The following COL24A1 variants were observed in gnomAD, a reference collection of about 807,000 sequenced individuals.
COL24A1 encodes collagen alpha-1(XXIV) chain.
COL24A1 carries 224 observed loss-of-function variants against 253.9 expected under a neutral mutation model. The observed-to-expected ratio is 0.88, with a 90% confidence interval of 0.79 to 0.99. The LOEUF is 0.99. COL24A1 is among the 50% of genes least tolerant of loss of function. The pLI is 0.00. For missense variants in COL24A1, 2,131 were observed against 2,068.5 expected (o/e 1.03, Z -0.59); for synonymous variants, 685 against 673.7 (o/e 1.02, Z -0.26).
chr1:85,733,228 T>C (rs1663693360), intron 59 of COL24A1, among the ~76,000 whole-genome samples: 1 of 152,156 alleles, frequency 6.6e-6, no homozygotes, highest in Admixed American at 6.5e-5. Context: ...GGTTTCATAG[T>C]ACACAAAGAT....
Position 85,854,861 on chromosome 1 carries a change from G to T in COL24A1, c.3301-5455C>A, listed in dbSNP as rs551693707. On this transcript the variant is annotated intron_variant, in intron 37 of 59. Transcript: ENST00000370571. ...TGGGACTACAGGTGTGCACCACCAC[G>T]CTCAGCTAATTTTTGTATTTTTAGT... Among the ~76,000 whole-genome samples, 12 of 152,086 alleles carry T rather than the reference G, an allele frequency of 7.9e-5. No homozygotes were observed. In the East Asian group the frequency reaches 2.3e-3, roughly 29 times the overall value.
chr1:85,781,449 A>G (rs1669137572), intron 51 of COL24A1, among the ~76,000 whole-genome samples, 176 bp from the exon 52 acceptor site: 1 of 152,182 alleles, frequency 6.6e-6, no homozygotes, highest in South Asian at 2.1e-4. Flanking sequence ...ATGTGACACA[A>G]TTCTGCATAT....
rs767927459 is a variant in COL24A1, at chr1:86,089,204, T to G, written c.1677A>C (p.Leu559Phe). The change falls in exon 7 of 60, where the codon TTA becomes TTC. Residue 559 changes from leucine to phenylalanine, a missense_variant. Coordinates refer to ENST00000370571, the MANE Select transcript of COL24A1 (RefSeq NM_152890.7). ...GEKGDQGLSGLMGPPGMQGDK... is the reference protein window; with the variant it reads ...GEKGDQGLSGFMGPPGMQGDK... Reference sequence around the variant, plus strand: ...CACCTTGCATACCAGGGGGGCCCATTAATCCAGAAAGGCCTTGATCACCCT... The same window carrying G: ...CACCTTGCATACCAGGGGGGCCCATGAATCCAGAAAGGCCTTGATCACCCT... 1 of 1,587,230 alleles carries G rather than the reference T, an allele frequency of 6.3e-7. No homozygotes were observed. The highest frequency in any genetic ancestry group is 1.2e-5 in the South Asian group (1 of 85,074).
intron 2 of COL24A1, among the ~76,000 whole-genome samples, chr1:86,129,090 T>C (rs1409122672): frequency 2.6e-5 from 4 of 151,896 alleles, no homozygotes; most frequent in Non-Finnish European, 5.9e-5. Context: ...TCATTGATAG[T>C]GCTTCATTCA....
chr1:85,910,048 A>G, intron 25 of COL24A1, 45 bp from the exon 26 acceptor site: 1 of 1,495,646 alleles, frequency 6.7e-7, no homozygotes. Context: ...AGGCATATTA[A>G]TTAGTCATGA....
intron 31 of COL24A1, 106 bp downstream of exon 31, chr1:85,895,752 A>T: frequency 1.2e-6 from 1 of 862,724 alleles, no homozygotes; most frequent in East Asian, 2.6e-5. Flanking sequence ...GCAAATATAT[A>T]TAATTTTTAT....
intron 42 of COL24A1, among the ~76,000 whole-genome samples, chr1:85,838,843 A>G (rs969934002): frequency 6.6e-6 from 1 of 152,240 alleles, no homozygotes; most frequent in Non-Finnish European, 1.5e-5. Context: ...AGTGAATTAT[A>G]TAAAGAGAAT....
At chr1:86,004,514 GA>G (rs1695745246) in intron 19 of COL24A1, among the ~76,000 whole-genome samples, 1 of 152,174 alleles carries the variant, frequency 6.6e-6, no homozygotes, top group Non-Finnish European at 1.5e-5. Flanking sequence ...CCAGTTAAAA[GA>G]AAATAATGTG....
In COL24A1 at chr1:86,063,383, T is replaced by TGTGTGTG. The variant is rs1376429091; in HGVS notation, c.1752+331_1752+332insCACACAC. Among the ~76,000 whole-genome samples, 970 of 144,446 alleles carry TGTGTGTG rather than the reference T, an allele frequency of 6.7e-3. 8 individuals are homozygous for TGTGTGTG. Among genetic ancestry groups the TGTGTGTG allele is most frequent in the African/African-American group, 0.015 (613 of 39,558 alleles). The allele number at this position is 144,446 out of a possible 152,430, so 94.8% of individuals were successfully genotyped here. On this transcript the variant is annotated intron_variant, in intron 8 of 59. Transcript: ENST00000370571. ...TCTGTGTGTGTGTGTGTGTGTGTGT[T>TGTGTGTG]TGTATGTGTATGGATATGTATATTT...
intron 22 of COL24A1, among the ~76,000 whole-genome samples, chr1:85,965,860 C>A (rs1477501127): frequency 1.3e-5 from 2 of 152,074 alleles, no homozygotes; most frequent in African/African-American, 4.8e-5. Flanking sequence ...TGAGAGAAGA[C>A]CAGTAAAGTG....
intron 47 of COL24A1, among the ~76,000 whole-genome samples, chr1:85,813,513 T>C (rs1397927992): frequency 1.4e-5 from 2 of 143,778 alleles, no homozygotes; most frequent in South Asian, 2.3e-4. Context: ...GTCAAATTAC[T>C]AGAAAATCTC....
At chr1:85,971,571 G>C (rs1397255625) in intron 20 of COL24A1, among the ~76,000 whole-genome samples, 178 bp from the exon 21 acceptor site, 2 of 152,116 alleles carry the variant, frequency 1.3e-5, no homozygotes, top group Non-Finnish European at 2.9e-5. Context: ...TAAAAATATA[G>C]GATAAACTTA....
intron 56 of COL24A1, 58 bp downstream of exon 56, chr1:85,745,383 T>C (rs1284652032): frequency 7.8e-7 from 1 of 1,278,328 alleles, no homozygotes; most frequent in South Asian, 1.5e-5. Context: ...AAAAATTTTC[T>C]CTGTTTAATT....
chr1:86,063,383 T>TGTGTG (rs1376429091), intron 8 of COL24A1, among the ~76,000 whole-genome samples: 17,870 of 144,262 alleles, frequency 0.12, 1,077 homozygotes, highest in Non-Finnish European at 0.14. Context: ...GTGTGTGTGT[T>TGTGTG]TGTATGTGTA....
At chr1:85,877,783 G>A (rs1681354361) in intron 32 of COL24A1, among the ~76,000 whole-genome samples, 1 of 152,176 alleles carries the variant, frequency 6.6e-6, no homozygotes, top group Admixed American at 6.5e-5. Flanking sequence ...CACCTCATAA[G>A]TATCATATAT....
intron 10 of COL24A1, among the ~76,000 whole-genome samples, chr1:86,052,181 G>A (rs558393713): frequency 1.3e-5 from 2 of 151,904 alleles, no homozygotes; most frequent in Non-Finnish European, 2.9e-5. Context: ...CTAAATAAAG[G>A]TTTCTTATTT....
chr1:85,885,308 C>T (rs534917399), intron 32 of COL24A1, among the ~76,000 whole-genome samples: 11 of 151,480 alleles, frequency 7.3e-5, no homozygotes, highest in Non-Finnish European at 1.3e-4. Flanking sequence ...TCAAGTAATT[C>T]TCCTACCTCA....
At chr1:86,042,754 G>A (rs750601967) in intron 12 of COL24A1, among the ~76,000 whole-genome samples, 8 of 152,058 alleles carry the variant, frequency 5.3e-5, no homozygotes, top group Non-Finnish European at 1.0e-4. Flanking sequence ...TGATCATTTG[G>A]TTAGCAGTAT....
intron 47 of COL24A1, among the ~76,000 whole-genome samples, chr1:85,815,212 T>C (rs1250471337): frequency 6.6e-6 from 1 of 152,178 alleles, no homozygotes; most frequent in Non-Finnish European, 1.5e-5. Context: ...TCCACAAAAA[T>C]ACAGACTCTC....
Sources: gnomAD v4.1 joint callset for allele counts (sites outside exome capture counted in the v4.1 genomes callset) on GRCh38, gnomAD v4.1.1 for gene constraint, MANE v1.5 for transcripts, NCBI Gene and HGNC (gene_info 2026-07-23, HGNC 2026-07-21) for gene names.